Variants in BTBD9 observed in about 807,000 individuals in gnomAD.
BTBD9 encodes the protein BTB domain containing 9, also known as BTB/POZ domain-containing protein 9.
A neutral mutation model predicts 64.3 loss-of-function variants in BTBD9; 49 were observed. The observed-to-expected ratio is 0.76, with a 90% confidence interval of 0.61 to 0.97. BTBD9 has a LOEUF of 0.97. BTBD9 is among the 50% of genes least tolerant of loss of function. BTBD9 has a pLI of 0.00. For missense variants in BTBD9, 598 were observed against 762.1 expected (o/e 0.78, Z 2.53); for synonymous variants, 260 against 274.7 (o/e 0.95, Z 0.53).
At chr6:38,393,400 A>T (rs9369055) in intron 6 of BTBD9, among the ~76,000 whole-genome samples, 55,741 of 152,018 alleles carry the variant, frequency 0.37, 12,398 homozygotes, top group East Asian at 0.84. Flanking sequence ...AGAACTGGCC[A>T]TAGAAACAAC....
intron 6 of BTBD9, among the ~76,000 whole-genome samples, chr6:38,518,010 A>T (rs1420440697): frequency 6.6e-6 from 1 of 152,226 alleles, no homozygotes; most frequent in Non-Finnish European, 1.5e-5. Flanking sequence ...CACATTTTCA[A>T]AATACACTGA....
chr6:38,572,068 C>A (rs931556587), intron 6 of BTBD9, among the ~76,000 whole-genome samples: 3 of 151,912 alleles, frequency 2.0e-5, no homozygotes, highest in Non-Finnish European at 4.4e-5. Context: ...ACCTACCCCC[C>A]ATCTCTGGCC....
chr6:38,304,231 T>C (rs1216672186), intron 7 of BTBD9, among the ~76,000 whole-genome samples: 2 of 151,934 alleles, frequency 1.3e-5, no homozygotes, highest in Non-Finnish European at 2.9e-5. Context: ...TAATCAACTC[T>C]ACTATCTAAT....
intron 6 of BTBD9, among the ~76,000 whole-genome samples, chr6:38,553,769 G>A (rs1774908517): frequency 6.6e-6 from 1 of 151,982 alleles, no homozygotes; most frequent in Non-Finnish European, 1.5e-5. Context: ...GGGAAGATCA[G>A]TAGAGCCCAG....
intron 9 of BTBD9, among the ~76,000 whole-genome samples, chr6:38,202,175 C>G (rs1236495122): frequency 6.6e-6 from 1 of 150,920 alleles, no homozygotes; most frequent in African/African-American, 2.4e-5. Flanking sequence ...ACCTCCACCC[C>G]ACAAGCTCAA....
At chr6:38,319,732 G>C (rs1763162976) in intron 7 of BTBD9, among the ~76,000 whole-genome samples, 1 of 151,668 alleles carries the variant, frequency 6.6e-6, no homozygotes, top group Admixed American at 6.6e-5. Flanking sequence ...CACTTTCATT[G>C]CTGTGAGCTG....
intron 6 of BTBD9, among the ~76,000 whole-genome samples, chr6:38,384,489 A>G (rs1196768224): frequency 7.9e-5 from 12 of 152,204 alleles, no homozygotes; most frequent in Non-Finnish European, 8.8e-5. Context: ...TATCCCACAA[A>G]CAAAAGCCTG....
intron 7 of BTBD9, among the ~76,000 whole-genome samples, chr6:38,327,847 G>A (rs912256912): frequency 1.3e-5 from 2 of 152,082 alleles, no homozygotes; most frequent in Non-Finnish European, 2.9e-5. Context: ...TCAACTCTTG[G>A]TTTATTCAGT....
chr6:38,204,819 A>T (rs962924179), intron 9 of BTBD9, among the ~76,000 whole-genome samples: 1 of 152,188 alleles, frequency 6.6e-6, no homozygotes, highest in African/African-American at 2.4e-5. Context: ...CAGTTCAGTA[A>T]GCAGAATACA....
At chr6:38,217,316 CTCAAAAAAAAA>C in intron 9 of BTBD9, among the ~76,000 whole-genome samples, 1 of 52,468 alleles carries the variant, frequency 1.9e-5, no homozygotes. Flanking sequence ...AAGACTCCAT[CTCAAAAAAAAA>C]AAAAAAAAAA....
intron 6 of BTBD9, among the ~76,000 whole-genome samples, chr6:38,465,282 G>C (rs1320394672): frequency 6.6e-6 from 1 of 151,542 alleles, no homozygotes; most frequent in Non-Finnish European, 1.5e-5. Flanking sequence ...GCAACAGATA[G>C]AGACTGTCGC....
In BTBD9 at chr6:38,448,530, T is replaced by C. The variant is rs80220544; in HGVS notation, c.1155-103437A>G. Among the ~76,000 whole-genome samples the C allele has an allele frequency of 5.3e-5, 8 of 152,298 alleles. No homozygotes were observed. The East Asian group carries it at 1.2e-3, about 22-fold the overall frequency. ...GCTTGCATATCATCCCTCTCTTTTT[T>C]TGAGACAGTCTCGCTTTGTCTCTGC... On this transcript the variant is annotated intron_variant, in intron 6 of 10. Coordinates refer to ENST00000481247, the MANE Select transcript of BTBD9 (RefSeq NM_001099272.2).
At chr6:38,457,682 G>C (rs1364062147) in intron 6 of BTBD9, among the ~76,000 whole-genome samples, 1 of 152,154 alleles carries the variant, frequency 6.6e-6, no homozygotes, top group Admixed American at 6.5e-5. Flanking sequence ...ACAAGGGAGA[G>C]AGGCCTGGCC....
chr6:38,589,297 T>C (rs1384448292), intron 4 of BTBD9, among the ~76,000 whole-genome samples: 1 of 152,126 alleles, frequency 6.6e-6, no homozygotes, highest in Admixed American at 6.6e-5. Context: ...GTTGATCAAT[T>C]CCAAACTACC....
At chr6:38,268,513 A>G (rs867234957) in intron 8 of BTBD9, among the ~76,000 whole-genome samples, 8 of 152,238 alleles carry the variant, frequency 5.3e-5, no homozygotes, top group Non-Finnish European at 1.0e-4. Context: ...AGGATGTTCC[A>G]GCAGGGATGA....
intron 10 of BTBD9, among the ~76,000 whole-genome samples, chr6:38,181,959 G>A (rs1761574380): frequency 6.6e-6 from 1 of 152,154 alleles, no homozygotes; most frequent in Non-Finnish European, 1.5e-5. Flanking sequence ...CTGCACTCCA[G>A]CCGGGAGACA....
At chr6:38,279,056 T>C (rs1582155815) in intron 8 of BTBD9, among the ~76,000 whole-genome samples, 1 of 152,288 alleles carries the variant, frequency 6.6e-6, no homozygotes, top group African/African-American at 2.4e-5. Context: ...TCCAGGAAAG[T>C]TGCTGAAAGG....
At chr6:38,402,679 G>A (rs1022855931) in intron 6 of BTBD9, 12 of 601,278 alleles carry the variant, frequency 2.0e-5, no homozygotes, top group Non-Finnish European at 2.9e-5. Flanking sequence ...ATGGATCAAA[G>A]ACCTAAACAT....
chr6:38,280,530 T>C (rs1761470567), intron 8 of BTBD9, among the ~76,000 whole-genome samples: 2 of 152,206 alleles, frequency 1.3e-5, no homozygotes, highest in South Asian at 2.1e-4. Flanking sequence ...AGAAGAGTCA[T>C]ATATTTAGAT....
Sources: allele counts gnomAD v4.1 joint callset (sites outside exome capture counted in the v4.1 genomes callset), GRCh38; gene constraint gnomAD v4.1.1; transcripts MANE v1.5; gene names NCBI Gene and HGNC (gene_info 2026-07-23, HGNC 2026-07-21).